Variants in GSE1 observed in about 807,000 individuals in gnomAD.
GSE1 encodes Gse1 coiled-coil protein.
In GSE1, 32 loss-of-function variants were observed where a neutral mutation model predicts 112.6. The observed-to-expected ratio is 0.28, with a 90% CI of 0.21 to 0.38. The LOEUF (loss-of-function observed/expected upper bound fraction) is 0.38. Ranked by LOEUF, GSE1 falls within the 10% of genes least tolerant of loss-of-function variation. The pLI is 1.00. For missense variants in GSE1, 2,348 were observed against 1,699.2 expected (o/e 1.38, Z -6.71); for synonymous variants, 1,115 against 735.6 (o/e 1.52, Z -8.35).
chr16:85,422,611 G>C (rs369374035), intron 2 of GSE1, among the ~76,000 whole-genome samples: 1 of 151,970 alleles, frequency 6.6e-6, no homozygotes, highest in African/African-American at 2.4e-5. Flanking sequence ...GACAGTAGGA[G>C]AGAGAAAGGG....
At chr16:85,446,568 G>C (rs66727277) in intron 2 of GSE1, among the ~76,000 whole-genome samples, 18 of 152,158 alleles carry the variant, frequency 1.2e-4, no homozygotes, top group African/African-American at 4.1e-4. Context: ...GTGGAAGGAC[G>C]GCAGCAGGAG....
chr16:85,612,131 G>A (rs1355848436), upstream of GSE1, among the ~76,000 whole-genome samples: 1 of 151,900 alleles, frequency 6.6e-6, no homozygotes, highest in Non-Finnish European at 1.5e-5. Context: ...GCCCGGGGGG[G>A]TTACAGCCCA....
At chr16:85,506,740 C>CATTG (rs376189237) in intron 2 of GSE1, among the ~76,000 whole-genome samples, 20,396 of 151,882 alleles carry the variant, frequency 0.13, 1,562 homozygotes, top group East Asian at 0.31. Context: ...CAGCCACTGT[C>CATTG]ATTCATTCAT....
intron 1 of GSE1, among the ~76,000 whole-genome samples, chr16:85,206,764 G>GCCGCCAGGATGGAGGTGCTGGCCCC (rs569777105): frequency 1.6e-4 from 24 of 151,942 alleles, no homozygotes; most frequent in African/African-American, 2.9e-4. Context: ...AAGCTTCTAG[G>GCCGCCAGGATGGAGGTGCTGGCCCC]CCGCCAGGAT....
chr16:85,556,178 C>T (rs2045202842), exon 1 of GSE1: 4 of 980,286 alleles, frequency 4.1e-6, no homozygotes, highest in East Asian at 1.1e-4. Flanking sequence ...TTTTTCGTCG[C>T]TCTCGGGATC....
chr16:85,399,346 T>C (rs993138993), intron 2 of GSE1, among the ~76,000 whole-genome samples: 1 of 152,194 alleles, frequency 6.6e-6, no homozygotes, highest in African/African-American at 2.4e-5. Context: ...AAGGTGGGCT[T>C]CCGGGGGGGT....
At chr16:85,450,426 G>GT (rs1437929503) in intron 2 of GSE1, among the ~76,000 whole-genome samples, 6 of 150,178 alleles carry the variant, frequency 4.0e-5, no homozygotes, top group Admixed American at 4.0e-4. Flanking sequence ...CCACCTTACT[G>GT]TTTTTTTATT....
intron 2 of GSE1, among the ~76,000 whole-genome samples, chr16:85,641,608 G>A (rs1281652336): frequency 6.6e-6 from 1 of 152,282 alleles, no homozygotes; most frequent in Non-Finnish European, 1.5e-5. Flanking sequence ...CTGCTGTCCC[G>A]TGTACCAGGG....
intron 1 of GSE1, among the ~76,000 whole-genome samples, chr16:85,344,238 C>A (rs1276972553): frequency 6.6e-6 from 1 of 152,134 alleles, no homozygotes. Context: ...GGGTACGGTC[C>A]CTGGCTGAGG....
chr16:85,639,021 G>C (rs1338024301), intron 2 of GSE1, among the ~76,000 whole-genome samples: 1 of 152,204 alleles, frequency 6.6e-6, no homozygotes, highest in East Asian at 1.9e-4. Flanking sequence ...ATTCTAGAAG[G>C]AGGCTGCAGG....
chr16:85,496,773 C>A lies in GSE1; in HGVS notation c.2465-137141C>A, dbSNP rs185741708. 4.1e-4 allele frequency among the ~76,000 whole-genome samples: 62 copies of A among 152,320 alleles called. 1 individual carries two copies. Among genetic ancestry groups the A allele is most frequent in the African/African-American group, 1.4e-3 (58 of 41,576 alleles). ...GGGCAGGAGCAGAGAGATGCTGTTGCCAGGGACCCAGGACAGGCAGGGCTG... is the reference window on the plus strand; with the variant it reads ...GGGCAGGAGCAGAGAGATGCTGTTGACAGGGACCCAGGACAGGCAGGGCTG... On this transcript the variant is annotated intron_variant, in intron 2 of 2. Transcript: ENST00000637419.
Position 85,655,011 on chromosome 16 carries a change from C to T in GSE1, c.797+20C>T, listed in dbSNP as rs763658999. The T allele has an allele frequency of 1.6e-5, 24 of 1,474,576 alleles. No homozygotes were observed. The highest frequency in any genetic ancestry group is 1.9e-6 in the Non-Finnish European group (2 of 1,073,972). 91.3% of individuals were successfully genotyped at this position (1,474,576 alleles called of 1,614,324 possible). A position where few individuals can be genotyped will look rare whatever the true frequency, so the allele number is the denominator to read the frequency against. Reference sequence around the variant, plus strand: ...CTTCAGGTGAGGCATCCCCCACGCGCCCTCTCGTCTAGGTGCTGGCCTGTT... The same window carrying T: ...CTTCAGGTGAGGCATCCCCCACGCGTCCTCTCGTCTAGGTGCTGGCCTGTT... On this transcript the variant is annotated intron_variant, in intron 5 of 15. Transcript: ENST00000253458.
chr16:85,567,385 C>T (rs935983521), intron 1 of GSE1, among the ~76,000 whole-genome samples: 1 of 152,226 alleles, frequency 6.6e-6, no homozygotes, highest in African/African-American at 2.4e-5. Context: ...GGGGCCTCAG[C>T]TGGGAAGACT....
At chr16:85,560,854 C>T (rs1007571685) in intron 1 of GSE1, among the ~76,000 whole-genome samples, 1 of 152,004 alleles carries the variant, frequency 6.6e-6, no homozygotes, top group African/African-American at 2.4e-5. Flanking sequence ...GAGGACTGGG[C>T]GAGGTATCTT....
intron 1 of GSE1, among the ~76,000 whole-genome samples, chr16:85,600,277 A>G (rs2047405150): frequency 6.6e-6 from 1 of 152,154 alleles, no homozygotes; most frequent in Non-Finnish European, 1.5e-5. Flanking sequence ...CCAGGAATAG[A>G]ACTCCTGAGC....
intron 1 of GSE1, among the ~76,000 whole-genome samples, chr16:85,258,110 A>T (rs1436721391): frequency 6.6e-6 from 1 of 152,138 alleles, no homozygotes; most frequent in Non-Finnish European, 1.5e-5. Flanking sequence ...TGAGGATCTC[A>T]ATTGAGGGGC....
At chr16:85,496,707 T>C (rs1443505783) in intron 2 of GSE1, among the ~76,000 whole-genome samples, 2 of 152,098 alleles carry the variant, frequency 1.3e-5, no homozygotes, top group Non-Finnish European at 2.9e-5. Context: ...GCCGGGTTCC[T>C]TGGAGGGTGT....
chr16:85,212,693 C>T (rs1249454304), intron 1 of GSE1, among the ~76,000 whole-genome samples: 1 of 152,146 alleles, frequency 6.6e-6, no homozygotes, highest in Non-Finnish European at 1.5e-5. Context: ...GTTATGGCTG[C>T]CCAAGAAAAC....
chr16:85,600,562 A>AACACACAC (rs144938363), intron 1 of GSE1, among the ~76,000 whole-genome samples: 39 of 148,644 alleles, frequency 2.6e-4, no homozygotes, highest in African/African-American at 9.0e-4. Context: ...CTTGTTAAAA[A>AACACACAC]ACACACACAC....
Sources: gnomAD v4.1 joint callset for allele counts (sites outside exome capture counted in the v4.1 genomes callset) on GRCh38, gnomAD v4.1.1 for gene constraint, MANE v1.5 for transcripts, NCBI Gene and HGNC (gene_info 2026-07-23, HGNC 2026-07-21) for gene names.